Variants in THRB observed in about 807,000 individuals in gnomAD.
The protein encoded by THRB is thyroid hormone receptor beta.
THRB carries 12 observed loss-of-function variants against 47.8 expected under a neutral mutation model. The observed-to-expected ratio is 0.25, with a 90% CI of 0.16 to 0.41. THRB has a LOEUF of 0.41. THRB is among the 10% of genes least tolerant of loss of function. The pLI, the probability that THRB is intolerant of heterozygous loss-of-function variation, is 1.00. For missense variants in THRB, 348 were observed against 589.2 expected (o/e 0.59, Z 4.24); for synonymous variants, 218 against 212.2 (o/e 1.03, Z -0.24).
intron 2 of THRB, among the ~76,000 whole-genome samples, chr3:24,333,602 T>C (rs2062058745): frequency 6.6e-6 from 1 of 152,212 alleles, no homozygotes; most frequent in Admixed American, 6.5e-5. Flanking sequence ...TAAATTAAAT[T>C]TGGTTTGATC....
chr3:24,312,451 A>G (rs2057820677), intron 2 of THRB, among the ~76,000 whole-genome samples: 1 of 152,300 alleles, frequency 6.6e-6, no homozygotes, highest in Admixed American at 6.5e-5. Flanking sequence ...AAAATAATTT[A>G]ATGAAGCTGG....
intron 9 of THRB, among the ~76,000 whole-genome samples, chr3:24,132,116 G>C (rs1371229025): frequency 6.6e-6 from 1 of 152,150 alleles, no homozygotes; most frequent in African/African-American, 2.4e-5. Context: ...AAAGACAGAA[G>C]AGAGCTGGAA....
chr3:24,394,806 C>T (rs186386006), intron 1 of THRB, among the ~76,000 whole-genome samples: 16 of 152,186 alleles, frequency 1.1e-4, no homozygotes, highest in South Asian at 2.1e-4. Context: ...CCTGATATCA[C>T]GCTTCACTTA....
chr3:24,323,052 C>T (rs891252685), intron 2 of THRB, among the ~76,000 whole-genome samples: 1 of 152,104 alleles, frequency 6.6e-6, no homozygotes, highest in Non-Finnish European at 1.5e-5. Context: ...CATTCTGTTC[C>T]TCAAAAATCT....
At chr3:24,177,371 C>CTGTT (rs1035369223) in intron 5 of THRB, among the ~76,000 whole-genome samples, 3 of 152,150 alleles carry the variant, frequency 2.0e-5, no homozygotes, top group African/African-American at 7.2e-5. Flanking sequence ...CCAACATTTT[C>CTGTT]TGTTTGAAAA....
chr3:24,321,102 A>G (rs147860832), intron 2 of THRB, among the ~76,000 whole-genome samples: 1 of 152,304 alleles, frequency 6.6e-6, no homozygotes, highest in Non-Finnish European at 1.5e-5. Flanking sequence ...ATTTCTTTAG[A>G]ATTATTTATT....
chr3:24,123,641 G>T (rs1432709751), intron 10 of THRB, among the ~76,000 whole-genome samples: 1 of 152,174 alleles, frequency 6.6e-6, no homozygotes. Flanking sequence ...GTTTAATTTT[G>T]TGTTGTCTTC....
intron 7 of THRB, chr3:24,143,938 A>G (rs2035774162): frequency 3.5e-6 from 2 of 577,914 alleles, no homozygotes; most frequent in African/African-American, 1.9e-5. Flanking sequence ...AGCTTTTCAA[A>G]ACAAAGTCCC....
chr3:24,212,584 A>AG, intron 4 of THRB, among the ~76,000 whole-genome samples: 2 of 151,008 alleles, frequency 1.3e-5, no homozygotes, highest in Non-Finnish European at 3.0e-5. Flanking sequence ...TCTCAAAAAA[A>AG]AAAAAAAAAA....
At chr3:24,244,922 G>C (rs1337224728) in intron 3 of THRB, among the ~76,000 whole-genome samples, 1 of 152,184 alleles carries the variant, frequency 6.6e-6, no homozygotes, top group Non-Finnish European at 1.5e-5. Context: ...GTTAAGCTGT[G>C]AAGGGGGAAA....
chr3:24,136,859 A>G (rs912415014), intron 8 of THRB, among the ~76,000 whole-genome samples: 9 of 152,128 alleles, frequency 5.9e-5, no homozygotes, highest in Non-Finnish European at 8.8e-5. Context: ...TGTCTCCCCT[A>G]CAGCTTGCCT....
chr3:24,358,269 G>A (rs2063824594), intron 1 of THRB, among the ~76,000 whole-genome samples: 1 of 151,920 alleles, frequency 6.6e-6, no homozygotes. Flanking sequence ...TTATATTTTT[G>A]CCATAAATAA....
intron 1 of THRB, among the ~76,000 whole-genome samples, chr3:24,369,520 A>C (rs1402949921): frequency 6.6e-6 from 1 of 152,154 alleles, no homozygotes; most frequent in Non-Finnish European, 1.5e-5. Flanking sequence ...AAAATAATAT[A>C]AACAACTTAA....
chr3:24,220,142 C>T (rs1349142201), intron 4 of THRB, among the ~76,000 whole-genome samples: 3 of 152,122 alleles, frequency 2.0e-5, no homozygotes, highest in African/African-American at 4.8e-5. Context: ...TGGGCCCCCA[C>T]CTGGAGATTA....
At chr3:24,255,676 C>G (rs760971574) in intron 3 of THRB, among the ~76,000 whole-genome samples, 2 of 152,040 alleles carry the variant, frequency 1.3e-5, no homozygotes, top group African/African-American at 4.8e-5. Flanking sequence ...GGGAGGGACC[C>G]GTACTTATGT....
intron 3 of THRB, among the ~76,000 whole-genome samples, chr3:24,276,430 G>T (rs1225199080): frequency 1.3e-5 from 2 of 152,108 alleles, no homozygotes; most frequent in African/African-American, 4.8e-5. Flanking sequence ...AAATTCCAGG[G>T]TTCAAACCCA....
chr3:24,203,824 C>T (rs2044908340), intron 4 of THRB, among the ~76,000 whole-genome samples: 1 of 152,224 alleles, frequency 6.6e-6, no homozygotes, highest in African/African-American at 2.4e-5. Context: ...TGCACTTTTC[C>T]AATGGCCTTA....
rs2031475136 is a variant in THRB, at chr3:24,120,410, T to C, written c.*2474A>G. 1 of 152,246 alleles carries C rather than the reference T, an allele frequency of 6.6e-6. No homozygotes were observed. The highest frequency in any genetic ancestry group is 2.4e-5 in the African/African-American group (1 of 41,458). 9.4% of individuals were successfully genotyped at this position (152,246 alleles called of 1,614,324 possible). ...TTGGCCAATTCTCGATCATGGTTAG[T>C]CCCCAAAGCATTCTGATTTAGCTTG... On this transcript the variant is annotated 3_prime_UTR_variant, in exon 11 of 11. Transcript: ENST00000646209.
In THRB at chr3:24,270,974, A is replaced by C. The variant is rs532634979; in HGVS notation, c.-43+26252T>G. Reference sequence around the variant, plus strand: ...GTGAAAGGCTCCCCCCCTTTCCAAAATACCTTCTCCCTTGGATGCTCTGGT... The same window carrying C: ...GTGAAAGGCTCCCCCCCTTTCCAAACTACCTTCTCCCTTGGATGCTCTGGT... On this transcript the variant is annotated intron_variant, in intron 3 of 10. Coordinates refer to ENST00000646209, the MANE Select transcript of THRB (RefSeq NM_001354712.2). Among the ~76,000 whole-genome samples, 19 of 152,322 alleles carry C rather than the reference A, an allele frequency of 1.2e-4. 1 individual carries two copies. The South Asian group carries it at 3.7e-3, about 30-fold the overall frequency.
Sources: allele counts gnomAD v4.1 joint callset (sites outside exome capture counted in the v4.1 genomes callset), GRCh38; gene constraint gnomAD v4.1.1; transcripts MANE v1.5; gene names NCBI Gene and HGNC (gene_info 2026-07-23, HGNC 2026-07-21).